The following SERPINE3 variants were observed in gnomAD, a reference collection of about 807,000 sequenced individuals.
SERPINE3 encodes the protein serpin E3.
SERPINE3 carries 43 observed loss-of-function variants against 41.7 expected under a neutral mutation model. That is an observed-to-expected ratio of 1.03 (90% CI 0.81 to 1.33). SERPINE3 has a LOEUF of 1.33. SERPINE3 is among the 40% of genes most tolerant of loss of function. The pLI is 0.00. For missense variants in SERPINE3, 440 were observed against 491.7 expected (o/e 0.89, Z 0.99); for synonymous variants, 200 against 192.2 (o/e 1.04, Z -0.34).
At chr13:51,339,926 T>C (rs958543887) in intron 1 of SERPINE3, among the ~76,000 whole-genome samples, 183 bp downstream of exon 1, 4 of 151,266 alleles carry the variant, frequency 2.6e-5, no homozygotes, top group African/African-American at 7.3e-5. Flanking sequence ...CACACACACA[T>C]AGAAAGAAAG....
chr13:51,345,730 C>T (rs1024850883), intron 4 of SERPINE3, among the ~76,000 whole-genome samples: 3 of 152,068 alleles, frequency 2.0e-5, no homozygotes, highest in Admixed American at 6.5e-5. Flanking sequence ...AGTTCTCTCT[C>T]ATGCTCTTTT....
At position 51,341,337 on chromosome 13, in the gene SERPINE3, C is replaced by A; in HGVS notation, c.246C>A (p.Tyr82Ter). 1 of 1,598,792 alleles carries A rather than the reference C, an allele frequency of 6.3e-7. No individual in the cohort carries two copies. Among genetic ancestry groups the A allele is most frequent in the Non-Finnish European group, 8.5e-7 (1 of 1,171,716 alleles). The change falls in exon 3 of 10, where the codon TAC becomes TAA. Residue 82 changes from tyrosine to a stop codon, truncating the protein, a stop_gained. Coordinates refer to ENST00000681248, the MANE Select transcript of SERPINE3 (RefSeq NM_001386375.1). LOFTEE classifies it high-confidence loss of function. The part of the protein sequence containing the change: ...TGQQLADALG[Y>*]TVHDKRVKDF... ...AGCAGCTGGCAGATGCCCTGGGGTA[C>A]ACTGTCCATGGTAAGAGGCCTGCCC...
At chr13:51,357,420 A>G (rs113368369) in intron 7 of SERPINE3, among the ~76,000 whole-genome samples, 3,061 of 152,244 alleles carry the variant, frequency 0.02, 50 homozygotes, top group East Asian at 0.071. Flanking sequence ...ATCAGAAAAT[A>G]CTGGCCTCTC....
chr13:51,342,972 A>G (rs1008731060), intron 3 of SERPINE3, among the ~76,000 whole-genome samples: 3 of 152,142 alleles, frequency 2.0e-5, no homozygotes, highest in Non-Finnish European at 1.5e-5. Flanking sequence ...TAGTGAACAT[A>G]TTGTGGACAA....
At position 51,344,410 on chromosome 13, in the gene SERPINE3, C is replaced by G; in HGVS notation, c.415C>G (p.Leu139Val). Reference protein sequence around the residue: ...EHVSWWANSSLEPADLSEPNS... With the variant: ...EHVSWWANSSVEPADLSEPNS... ...CGTCTCCTGGTGGGCTAACAGCAGC[C>G]TGGAACCAGCCGACCTCAGTGAGCC... Residue 139 changes from leucine to valine, a missense_variant, in exon 4 of 10, where the codon CTG becomes GTG. Physicochemically the swap from Leu to Val is conservative, Grantham distance 32 (BLOSUM62 1). Coordinates refer to ENST00000681248, the MANE Select transcript of SERPINE3 (RefSeq NM_001386375.1). 6.2e-7 allele frequency: 1 copy of G among 1,611,176 alleles called. No individual in the cohort carries two copies. Among genetic ancestry groups the G allele is most frequent in the African/African-American group, 1.3e-5 (1 of 74,984 alleles).
At chr13:51,354,240 GCACACAC>G (rs1566194708) in intron 6 of SERPINE3, 1 of 151,800 alleles carries the variant, frequency 6.6e-6, no homozygotes, top group African/African-American at 2.4e-5. Context: ...CATGGGCTCT[GCACACAC>G]ACAGGCTTGA....
intron 1 of SERPINE3, among the ~76,000 whole-genome samples, 171 bp downstream of exon 1, chr13:51,339,914 C>A (rs1484224930): frequency 6.6e-6 from 1 of 152,126 alleles, no homozygotes; most frequent in Non-Finnish European, 1.5e-5. Context: ...CTGGGACACA[C>A]ACACACACAC....
intron 6 of SERPINE3, among the ~76,000 whole-genome samples, chr13:51,350,150 C>T (rs1048840790): frequency 6.6e-6 from 1 of 152,080 alleles, no homozygotes; most frequent in African/African-American, 2.4e-5. Context: ...AAAAATTTTG[C>T]ACACTGTGGG....
chr13:51,350,062 A>G (rs939858740), intron 6 of SERPINE3, among the ~76,000 whole-genome samples: 1 of 152,162 alleles, frequency 6.6e-6, no homozygotes, highest in Non-Finnish European at 1.5e-5. Context: ...TTTACCTCTC[A>G]TTCTCTCAAA....
Position 51,364,273 on chromosome 13 carries a change from C to T in SERPINE3, c.1206C>T (p.Pro402=). 6.8e-7 allele frequency: 1 copy of T among 1,477,144 alleles called. No individual in the cohort carries two copies. The highest frequency in any genetic ancestry group is 1.2e-5 in the South Asian group (1 of 80,014). 91.5% of individuals were successfully genotyped at this position (1,477,144 alleles called of 1,614,324 possible). A position where few individuals can be genotyped will look rare whatever the true frequency, so the allele number is the denominator to read the frequency against. ...TCAGTATTGGGAGAGTTTCAAATCC[C>T]CTAGACTAAATGCATGTTCTCCACT... is the stretch of plus-strand genomic sequence containing the variant. ...FVFSIGRVSN[P]LD The change falls in exon 10 of 10, where the codon CCC becomes CCT. Residue 402 remains proline, a synonymous_variant. Transcript: ENST00000681248.
chr13:51,364,297 C>T lies in SERPINE3; in HGVS notation c.*15C>T. On this transcript the variant is annotated 3_prime_UTR_variant, in exon 10 of 10. Coordinates refer to ENST00000681248, the MANE Select transcript of SERPINE3 (RefSeq NM_001386375.1). ...CCCTAGACTAAATGCATGTTCTCCA[C>T]TTTCATCAATGCTTTTCTTCATAAA... 1 of 1,405,174 alleles carries T rather than the reference C, an allele frequency of 7.1e-7. No individual in the cohort carries two copies. Among genetic ancestry groups the T allele is most frequent in the South Asian group, 1.3e-5 (1 of 76,884 alleles). 87.0% of individuals were successfully genotyped at this position (1,405,174 alleles called of 1,614,324 possible).
At chr13:51,348,476 C>T (rs1955373454) in intron 6 of SERPINE3, 65 bp downstream of exon 6, 2 of 1,391,608 alleles carry the variant, frequency 1.4e-6, no homozygotes, top group Non-Finnish European at 2.0e-6. Context: ...TGGATTTGCA[C>T]ACAGGTGGTC....
rs1296558709 is a variant in SERPINE3, at chr13:51,341,355, G to A, written c.256+8G>A. ...TGGGGTACACTGTCCATGGTAAGAG[G>A]CCTGCCCACGTGCACACTCACTTAC... On this transcript the variant is annotated splice_region_variant and intron_variant, in intron 3 of 9. Coordinates refer to ENST00000681248, the MANE Select transcript of SERPINE3 (RefSeq NM_001386375.1). The A allele has an allele frequency of 1.3e-6, 2 of 1,577,400 alleles. No individual in the cohort carries two copies. The highest frequency in any genetic ancestry group is 1.3e-5 in the African/African-American group (1 of 74,326).
chr13:51,364,317 C>A lies in SERPINE3; in HGVS notation c.*35C>A. ...CTCCACTTTCATCAATGCTTTTCTT[C>A]ATAAAGTTATAATTTCATTTTGCTA... On this transcript the variant is annotated 3_prime_UTR_variant, in exon 10 of 10. Coordinates refer to ENST00000681248, the MANE Select transcript of SERPINE3 (RefSeq NM_001386375.1). 2 of 1,275,292 alleles carry A rather than the reference C, an allele frequency of 1.6e-6. No individual in the cohort carries two copies. Among genetic ancestry groups the A allele is most frequent in the Non-Finnish European group, 1.1e-6 (1 of 930,558 alleles). The allele number at this position is 1,275,292 out of a possible 1,614,324, so 79.0% of individuals were successfully genotyped here.
intron 6 of SERPINE3, among the ~76,000 whole-genome samples, chr13:51,351,851 G>T (rs1362618239): frequency 6.6e-6 from 1 of 151,892 alleles, no homozygotes; most frequent in Non-Finnish European, 1.5e-5. Context: ...TCATTCTTTT[G>T]TGTGTATCTA....
intron 6 of SERPINE3, among the ~76,000 whole-genome samples, chr13:51,351,604 G>A (rs992070423): frequency 2.0e-5 from 3 of 152,000 alleles, no homozygotes; most frequent in African/African-American, 7.2e-5. Context: ...TCTCAATGGT[G>A]TCCTTTGAAG....
At chr13:51,359,674 C>A (rs1042227211) in intron 7 of SERPINE3, among the ~76,000 whole-genome samples, 3 of 152,092 alleles carry the variant, frequency 2.0e-5, no homozygotes, top group African/African-American at 7.2e-5. Flanking sequence ...TAGTGAATCT[C>A]TGCTTATTTC....
At chr13:51,361,930 A>T in intron 9 of SERPINE3, 37 bp downstream of exon 9, 3 of 1,611,968 alleles carry the variant, frequency 1.9e-6, no homozygotes, top group Non-Finnish European at 1.7e-6. Context: ...CAGATAATTT[A>T]TCAGTGTCTC....
Position 51,364,541 on chromosome 13 carries a change from T to C in SERPINE3, c.*259T>C, listed in dbSNP as rs371092009. On this transcript the variant is annotated 3_prime_UTR_variant, in exon 10 of 10. Coordinates refer to ENST00000681248, the MANE Select transcript of SERPINE3 (RefSeq NM_001386375.1). ...TAAAAGGCACAGCAGTGATCATGAA[T>C]GGTGAGTGAGTCAGGCCATAAGATT... is the stretch of plus-strand genomic sequence containing the variant. 2.0e-5 allele frequency: 7 copies of C among 347,404 alleles called. No homozygotes were observed. The highest frequency in any genetic ancestry group is 3.6e-5 in the Non-Finnish European group (7 of 193,670). 21.5% of individuals were successfully genotyped at this position (347,404 alleles called of 1,614,324 possible). A position where few individuals can be genotyped will look rare whatever the true frequency, so the allele number is the denominator to read the frequency against.
Sources: gnomAD v4.1 joint callset for allele counts (sites outside exome capture counted in the v4.1 genomes callset) on GRCh38, gnomAD v4.1.1 for gene constraint, MANE v1.5 for transcripts, NCBI Gene and HGNC (gene_info 2026-07-23, HGNC 2026-07-21) for gene names.